Variants in ASIC2 observed in about 807,000 individuals in gnomAD.
The protein encoded by ASIC2 is acid-sensing ion channel 2.
ASIC2 carries 25 observed loss-of-function variants against 57.3 expected under a neutral mutation model. The observed-to-expected ratio is 0.44, with a 90% CI of 0.32 to 0.61. The LOEUF (loss-of-function observed/expected upper bound fraction) is 0.61. ASIC2 is among the 20% of genes least tolerant of loss of function. The pLI is 0.06. For missense variants in ASIC2, 641 were observed against 738.1 expected, an observed-to-expected ratio of 0.87 and a Z score of 1.52; for synonymous variants, 319 against 307.5, an observed-to-expected ratio of 1.04 and a Z score of -0.39.
At chr17:33,435,640 T>C (rs990683658) in intron 1 of ASIC2, among the ~76,000 whole-genome samples, 4 of 152,198 alleles carry the variant, frequency 2.6e-5, no homozygotes, top group African/African-American at 9.7e-5. Flanking sequence ...CTGCCTTTCC[T>C]GTATGAATGA....
At chr17:33,868,583 C>T (rs1311941831) in intron 1 of ASIC2, among the ~76,000 whole-genome samples, 2 of 151,888 alleles carry the variant, frequency 1.3e-5, no homozygotes, top group Non-Finnish European at 2.9e-5. Context: ...GTACAAGGAA[C>T]AAAAGAAAAA....
chr17:33,531,453 G>A (rs755149864), intron 1 of ASIC2, among the ~76,000 whole-genome samples: 13 of 152,292 alleles, frequency 8.5e-5, no homozygotes, highest in African/African-American at 1.7e-4. Context: ...CTTGAGAGGC[G>A]TTCGACCTTG....
At chr17:33,430,419 G>A (rs1911368854) in intron 1 of ASIC2, among the ~76,000 whole-genome samples, 1 of 152,302 alleles carries the variant, frequency 6.6e-6, no homozygotes, top group Middle Eastern at 3.4e-3. Flanking sequence ...ATAAAGTTGG[G>A]GGAATACAGC....
intron 1 of ASIC2, among the ~76,000 whole-genome samples, chr17:33,761,002 G>A (rs1910762140): frequency 6.6e-6 from 1 of 152,130 alleles, no homozygotes; most frequent in Admixed American, 6.5e-5. Flanking sequence ...TGGCTGAATG[G>A]GATACTCAGG....
chr17:33,053,156 A>G (rs1436273559), intron 3 of ASIC2, among the ~76,000 whole-genome samples: 1 of 152,230 alleles, frequency 6.6e-6, no homozygotes, highest in African/African-American at 2.4e-5. Context: ...CCTGCCTAAT[A>G]CAGGCAATTT....
At chr17:33,054,905 A>T (rs973468535) in intron 3 of ASIC2, among the ~76,000 whole-genome samples, 1 of 152,264 alleles carries the variant, frequency 6.6e-6, no homozygotes, top group East Asian at 1.9e-4. Flanking sequence ...GGCAGGGGGA[A>T]TTCTCAACAC....
Position 33,112,078 on chromosome 17 carries a change from GAA to G in ASIC2, c.709-13_709-12del, listed in dbSNP as rs1491175324. 4 of 1,609,666 alleles carry G rather than the reference GAA, an allele frequency of 2.5e-6. No homozygotes were observed. Among genetic ancestry groups the G allele is most frequent in the East Asian group, 4.5e-5 (2 of 44,700 alleles). Reference sequence around the variant, plus strand: ...ATATTTTGTAAACACCTGAAGGAGAGAAGAGAGAGAGAGAGAGAAGCACATGG... The same window carrying G: ...ATATTTTGTAAACACCTGAAGGAGAGGAGAGAGAGAGAGAGAAGCACATGG... On this transcript the variant is annotated splice_polypyrimidine_tract_variant and intron_variant, in intron 1 of 9. Coordinates refer to ENST00000225823, the MANE Select transcript of ASIC2 (RefSeq NM_183377.2).
At chr17:33,229,467 G>A (rs1312135356) in intron 1 of ASIC2, among the ~76,000 whole-genome samples, 3 of 152,190 alleles carry the variant, frequency 2.0e-5, no homozygotes, top group South Asian at 4.1e-4. Context: ...GGGCAGAGAG[G>A]AGGGCAAGTG....
In ASIC2 at chr17:33,238,302, G is replaced by A. The variant is rs569098377; in HGVS notation, c.708+53106C>T. 7.9e-5 allele frequency among the ~76,000 whole-genome samples: 12 copies of A among 152,320 alleles called. No individual in the cohort carries two copies. The East Asian group carries it at 1.5e-3, about 20-fold the overall frequency. ...GGCTGCTCCTTGGATTCACTCACCC[G>A]GAGAGACGAGGAGGCTCTGGGACTC... On this transcript the variant is annotated intron_variant, in intron 1 of 9. Transcript: ENST00000225823.
chr17:33,345,379 G>A (rs1026137950), intron 1 of ASIC2, among the ~76,000 whole-genome samples: 1 of 152,186 alleles, frequency 6.6e-6, no homozygotes, highest in African/African-American at 2.4e-5. Context: ...ATGATTCAGT[G>A]ACAGGAGATG....
intron 1 of ASIC2, among the ~76,000 whole-genome samples, chr17:33,583,756 GAGCACTCA>G (rs754357297): frequency 1.3e-5 from 2 of 152,202 alleles, no homozygotes; most frequent in Non-Finnish European, 2.9e-5. Context: ...GTTCAAGGGT[GAGCACTCA>G]AGCAGCTTGT....
At chr17:34,108,647 C>G (rs1410027872) in intron 1 of ASIC2, among the ~76,000 whole-genome samples, 1 of 152,142 alleles carries the variant, frequency 6.6e-6, no homozygotes, top group East Asian at 1.9e-4. Flanking sequence ...TAGGTCCAAG[C>G]AGTTTACTGT....
At chr17:33,938,932 C>G (rs1467478951) in intron 1 of ASIC2, among the ~76,000 whole-genome samples, 1 of 152,260 alleles carries the variant, frequency 6.6e-6, no homozygotes, top group East Asian at 1.9e-4. Flanking sequence ...GGCCTCTGCT[C>G]TCTCCCCATT....
chr17:33,865,276 A>G (rs985915341), intron 1 of ASIC2, among the ~76,000 whole-genome samples: 1 of 152,176 alleles, frequency 6.6e-6, no homozygotes, highest in East Asian at 1.9e-4. Context: ...TGTAAGCCAC[A>G]TTTTGTTCCA....
At chr17:34,040,757 C>T (rs867404282) in intron 1 of ASIC2, among the ~76,000 whole-genome samples, 22 of 152,088 alleles carry the variant, frequency 1.4e-4, no homozygotes, top group Non-Finnish European at 2.8e-4. Context: ...TCTCACATTT[C>T]CAGAATTAGC....
intron 1 of ASIC2, among the ~76,000 whole-genome samples, chr17:33,287,978 G>C (rs999039555): frequency 1.3e-5 from 2 of 152,170 alleles, no homozygotes; most frequent in African/African-American, 4.8e-5. Flanking sequence ...CTTGTTGCAG[G>C]CTACACAAGA....
intron 1 of ASIC2, among the ~76,000 whole-genome samples, chr17:34,061,415 G>A (rs115489922): frequency 0.15 from 22,672 of 152,026 alleles, 1,944 homozygotes; most frequent in African/African-American, 0.22. Flanking sequence ...TAAATCACAC[G>A]GGACCTATAA....
intron 1 of ASIC2, among the ~76,000 whole-genome samples, chr17:33,671,327 G>GA (rs140810094): frequency 0.028 from 4,219 of 152,130 alleles, 186 homozygotes; most frequent in African/African-American, 0.095. Context: ...GTAATAATCA[G>GA]AAAAAAACTC....
At position 33,877,648 on chromosome 17, in the gene ASIC2, G is replaced by GGCCT. The variant is rs566057257; in HGVS notation, c.555+278326_555+278329dup. On this transcript the variant is annotated intron_variant, in intron 1 of 9. Coordinates refer to the ASIC2 transcript ENST00000359872. The stretch of plus-strand genomic sequence containing the variant: ...GGTGGAGCCCACTGCAGCTCAAGGA[G>GGCCT]GCCTGCCTGCCTCTGTAGACTCCAC... Among the ~76,000 whole-genome samples the GGCCT allele has an allele frequency of 2.9e-3, 438 of 152,336 alleles. 11 individuals are homozygous for GGCCT. The highest frequency in any genetic ancestry group is 0.026 in the Admixed American group (396 of 15,304).
Sources: gnomAD v4.1 joint callset for allele counts (sites outside exome capture counted in the v4.1 genomes callset) on GRCh38, gnomAD v4.1.1 for gene constraint, MANE v1.5 for transcripts, NCBI Gene and HGNC (gene_info 2026-07-23, HGNC 2026-07-21) for gene names.